The following LOXL2 variants were observed in gnomAD, a reference collection of about 807,000 sequenced individuals.
LOXL2 encodes lysyl oxidase like 2, also known as lysyl oxidase homolog 2.
A neutral mutation model predicts 93.0 loss-of-function variants in LOXL2; 70 were observed. That is an observed-to-expected ratio of 0.75 (90% CI 0.62 to 0.92). The LOEUF (loss-of-function observed/expected upper bound fraction) is 0.92. Ranked by LOEUF, LOXL2 falls within the 40% of genes least tolerant of loss-of-function variation. The pLI is 0.00. For missense variants in LOXL2, 973 were observed against 1,054.9 expected, an observed-to-expected ratio of 0.92 and a Z score of 1.08; for synonymous variants, 438 against 413.2, an observed-to-expected ratio of 1.06 and a Z score of -0.73.
intron 1 of LOXL2, among the ~76,000 whole-genome samples, chr8:23,376,936 T>A (rs1402283746): frequency 2.0e-5 from 3 of 152,214 alleles, no homozygotes; most frequent in Non-Finnish European, 4.4e-5. Context: ...TGTCTCTATC[T>A]CCTTCAGTTC....
chr8:23,377,308 T>G (rs1016726223), intron 1 of LOXL2, among the ~76,000 whole-genome samples: 4 of 152,168 alleles, frequency 2.6e-5, no homozygotes, highest in African/African-American at 9.7e-5. Flanking sequence ...TGAGAGACAG[T>G]TTGTTATAAT....
At chr8:23,385,244 CTTTTTTTT>C (rs67050683) in intron 1 of LOXL2, among the ~76,000 whole-genome samples, 2 of 132,782 alleles carry the variant, frequency 1.5e-5, no homozygotes, top group South Asian at 4.8e-4. Context: ...GATTTTTTTT[CTTTTTTTT>C]TTTTTTTTTG....
At chr8:23,309,612 G>A in intron 10 of LOXL2, 56 bp downstream of exon 10, 1 of 1,365,986 alleles carries the variant, frequency 7.3e-7, no homozygotes, top group Admixed American at 3.5e-5. Flanking sequence ...TCCCATCTGA[G>A]GCCTGCAGGA....
At chr8:23,397,883 C>A (rs550881755) in intron 1 of LOXL2, among the ~76,000 whole-genome samples, 2 of 148,356 alleles carry the variant, frequency 1.3e-5, no homozygotes, top group East Asian at 3.9e-4. Flanking sequence ...ATCTCTTGAA[C>A]CTGGAAGGTG....
At chr8:23,346,146 T>TAAA (rs1364307667) in intron 3 of LOXL2, among the ~76,000 whole-genome samples, 790 of 78,038 alleles carry the variant, frequency 0.01, 19 homozygotes, top group African/African-American at 0.022. Context: ...ATAAAATAAA[T>TAAA]AAAATAAAAT....
intron 3 of LOXL2, among the ~76,000 whole-genome samples, chr8:23,358,758 A>C (rs1039928994): frequency 6.6e-6 from 1 of 152,220 alleles, no homozygotes; most frequent in Non-Finnish European, 1.5e-5. Flanking sequence ...CATCAGAATC[A>C]ATCTGGGGCT....
chr8:23,329,672 G>A (rs1163362201), intron 5 of LOXL2, among the ~76,000 whole-genome samples: 1 of 152,238 alleles, frequency 6.6e-6, no homozygotes, highest in Non-Finnish European at 1.5e-5. Context: ...GAGTGAGGAA[G>A]ACTGTGTAGC....
At chr8:23,359,475 G>C (rs1168214713) in intron 3 of LOXL2, among the ~76,000 whole-genome samples, 1 of 152,152 alleles carries the variant, frequency 6.6e-6, no homozygotes, top group African/African-American at 2.4e-5. Context: ...GAAGAACAGA[G>C]GGCTGCAGTC....
At chr8:23,348,905 AC>A (rs1804042130) in intron 3 of LOXL2, among the ~76,000 whole-genome samples, 1 of 152,050 alleles carries the variant, frequency 6.6e-6, no homozygotes, top group Admixed American at 6.6e-5. Flanking sequence ...AAACAAAAAA[AC>A]AACAACAGTG....
At chr8:23,327,895 G>A (rs1585351414) in intron 6 of LOXL2, among the ~76,000 whole-genome samples, 1 of 152,180 alleles carries the variant, frequency 6.6e-6, no homozygotes, top group Non-Finnish European at 1.5e-5. Context: ...TCCGGAGGGC[G>A]GCTTCTTGTT....
intron 1 of LOXL2, among the ~76,000 whole-genome samples, chr8:23,377,743 C>G (rs924439591): frequency 6.6e-6 from 1 of 152,098 alleles, no homozygotes; most frequent in Non-Finnish European, 1.5e-5. Flanking sequence ...TCTGTTTTAT[C>G]AGAGACTAGG....
At chr8:23,388,721 A>T (rs1804800902) in intron 1 of LOXL2, among the ~76,000 whole-genome samples, 1 of 151,528 alleles carries the variant, frequency 6.6e-6, no homozygotes, top group Non-Finnish European at 1.5e-5. Context: ...AAAAAGCTTA[A>T]TTATCTAAAT....
intron 1 of LOXL2, among the ~76,000 whole-genome samples, chr8:23,381,145 C>T (rs1169320137): frequency 6.1e-5 from 9 of 147,346 alleles, no homozygotes; most frequent in Non-Finnish European, 1.2e-4. Context: ...TCATTTTCTA[C>T]GTATTGCTTT....
In LOXL2 at chr8:23,320,058, GAC is replaced by G. The variant is rs1179777086; in HGVS notation, c.1303-8_1303-7del. Reference sequence around the variant, plus strand: ...CGGCCGCCGTTCAGGCGCAGCTGCAGACACAAAGGCAGGCCACGGTCACCAAG... The same window carrying G: ...CGGCCGCCGTTCAGGCGCAGCTGCAGACAAAGGCAGGCCACGGTCACCAAG... On this transcript the variant is annotated splice_polypyrimidine_tract_variant and splice_region_variant and intron_variant, in intron 7 of 13. Transcript: ENST00000389131. 1 of 1,613,684 alleles carries G rather than the reference GAC, an allele frequency of 6.2e-7. No individual in the cohort carries two copies. Among genetic ancestry groups the G allele is most frequent in the South Asian group, 1.1e-5 (1 of 91,082 alleles).
In LOXL2 at chr8:23,398,034, T is replaced by C. The variant is rs548228996; in HGVS notation, c.-84+5920A>G. On this transcript the variant is annotated intron_variant, in intron 1 of 13. Transcript: ENST00000389131. Reference sequence around the variant, plus strand: ...TATTTGTAATTGTTTTAGAAAGATATTTAGAAAAGTATCTTTCTCACTACA... The same window carrying C: ...TATTTGTAATTGTTTTAGAAAGATACTTAGAAAAGTATCTTTCTCACTACA... 3.9e-5 allele frequency among the ~76,000 whole-genome samples: 6 copies of C among 152,072 alleles called. No individual in the cohort carries two copies. In the East Asian group the frequency reaches 1.2e-3, roughly 29 times the overall value.
chr8:23,374,602 C>G (rs976975898), intron 1 of LOXL2, among the ~76,000 whole-genome samples: 52 of 152,306 alleles, frequency 3.4e-4, no homozygotes, highest in Admixed American at 3.3e-3. Context: ...CACATCCTCT[C>G]CAGCACCTGT....
intron 4 of LOXL2, among the ~76,000 whole-genome samples, chr8:23,339,991 A>G (rs575993686): frequency 1.4e-3 from 215 of 152,298 alleles, no homozygotes; most frequent in Non-Finnish European, 2.7e-3. Context: ...TGGGGCTTCA[A>G]GCCAGGTCTC....
intron 1 of LOXL2, among the ~76,000 whole-genome samples, chr8:23,369,832 T>C (rs1232616664): frequency 6.6e-6 from 1 of 152,132 alleles, no homozygotes; most frequent in Non-Finnish European, 1.5e-5. Flanking sequence ...CCTAGTAGTG[T>C]GGCTCTGAAG....
intron 10 of LOXL2, among the ~76,000 whole-genome samples, chr8:23,307,953 G>GGGAAAAAAAA (rs58347035): frequency 1.2e-5 from 1 of 83,522 alleles, no homozygotes; most frequent in African/African-American, 4.7e-5. Flanking sequence ...GCTGCGATAT[G>GGGAAAAAAAA]AAAAAAAAAA....
Sources: allele counts gnomAD v4.1 joint callset (sites outside exome capture counted in the v4.1 genomes callset), GRCh38; gene constraint gnomAD v4.1.1; transcripts MANE v1.5; gene names NCBI Gene and HGNC (gene_info 2026-07-23, HGNC 2026-07-21).